The following TTLL7 variants were observed in gnomAD, a reference collection of about 807,000 sequenced individuals.
TTLL7 encodes the protein tubulin tyrosine ligase like 7, also known as tubulin polyglutamylase TTLL7.
A neutral mutation model predicts 120.2 loss-of-function variants in TTLL7; 53 were observed. The observed-to-expected ratio is 0.44, with a 90% CI of 0.35 to 0.55. The LOEUF (loss-of-function observed/expected upper bound fraction) is 0.55, where lower values mean the gene tolerates loss of function less well. Among genes scored for constraint, TTLL7 ranks in the 20% least tolerant of loss-of-function variants. The pLI is 0.00. For missense variants in TTLL7, 803 were observed against 1,054.7 expected (o/e 0.76, Z 3.31); for synonymous variants, 353 against 351.7 (o/e 1.00, Z -0.04).
intron 18 of TTLL7, among the ~76,000 whole-genome samples, chr1:83,903,102 GT>G (rs1656866738): frequency 6.6e-6 from 1 of 151,754 alleles, no homozygotes; most frequent in South Asian, 2.1e-4. Flanking sequence ...ATTTCCCGTG[GT>G]TCCTCATCAA....
At chr1:83,906,717 A>C (rs2100762313) in intron 16 of TTLL7, among the ~76,000 whole-genome samples, 1 of 152,196 alleles carries the variant, frequency 6.6e-6, no homozygotes, top group South Asian at 2.1e-4. Flanking sequence ...AAATACTTAA[A>C]AAGGACTTCC....
intron 20 of TTLL7, among the ~76,000 whole-genome samples, chr1:83,872,131 G>A (rs897735373): frequency 6.6e-6 from 1 of 151,986 alleles, no homozygotes; most frequent in African/African-American, 2.4e-5. Context: ...TAAAATAGCA[G>A]AACTTTCTAT....
At chr1:83,980,748 A>T (rs1220843664) in intron 1 of TTLL7, 1 of 152,222 alleles carries the variant, frequency 6.6e-6, no homozygotes, top group African/African-American at 2.4e-5. Flanking sequence ...TATTGCTAAC[A>T]TACAATTCTT....
rs765505556 is a variant in TTLL7, at chr1:83,952,219, T to C, written c.-8A>G. The C allele has an allele frequency of 3.1e-5, 50 of 1,613,898 alleles. No individual in the cohort carries two copies. Among genetic ancestry groups the C allele is most frequent in the Non-Finnish European group, 4.2e-6 (5 of 1,179,922 alleles). On this transcript the variant is annotated 5_prime_UTR_variant, in exon 2 of 21. Transcript: ENST00000260505. ...TTGAGGCAGAGATGGCATTATTGCC[T>C]GTGCTGATTAGCAAGCAGTGTGTGC...
Position 83,915,503 on chromosome 1 carries a change from A to G in TTLL7, c.1587+2101T>C, listed in dbSNP as rs1193374107. The stretch of plus-strand genomic sequence containing the variant: ...TACTAAAATTAATTCAAGATGGATT[A>G]AAGATTTAAATGTTAGACCTAAAAC... On this transcript the variant is annotated intron_variant, in intron 14 of 20. Transcript: ENST00000260505. 5.3e-5 allele frequency among the ~76,000 whole-genome samples: 8 copies of G among 152,352 alleles called. 1 individual carries two copies. In the South Asian group the frequency reaches 1.2e-3, roughly 24 times the overall value.
At chr1:83,982,029 T>C (rs146256443) in intron 1 of TTLL7, among the ~76,000 whole-genome samples, 1 of 152,278 alleles carries the variant, frequency 6.6e-6, no homozygotes, top group African/African-American at 2.4e-5. Flanking sequence ...AGATGCACCA[T>C]ATCACAGCTC....
At chr1:83,903,102 G>T (rs926200690) in intron 18 of TTLL7, among the ~76,000 whole-genome samples, 2 of 151,754 alleles carry the variant, frequency 1.3e-5, no homozygotes, top group African/African-American at 2.4e-5. Context: ...ATTTCCCGTG[G>T]TTCCTCATCA....
chr1:83,934,319 G>C (rs1342020386), intron 8 of TTLL7, among the ~76,000 whole-genome samples: 1 of 152,140 alleles, frequency 6.6e-6, no homozygotes, highest in Non-Finnish European at 1.5e-5. Context: ...AAACAAGTAA[G>C]GTAGGAGCAT....
At chr1:83,978,914 A>T (rs1354612814) in intron 1 of TTLL7, among the ~76,000 whole-genome samples, 1 of 152,186 alleles carries the variant, frequency 6.6e-6, no homozygotes, top group African/African-American at 2.4e-5. Context: ...TTTATTCATT[A>T]ATTCAACACA....
chr1:83,948,740 T>A, intron 4 of TTLL7, 45 bp from the exon 5 acceptor site: 2 of 1,311,458 alleles, frequency 1.5e-6, no homozygotes, highest in Non-Finnish European at 2.2e-6. Flanking sequence ...GCGAATTAAT[T>A]ATATTCATGT....
intron 1 of TTLL7, among the ~76,000 whole-genome samples, chr1:83,977,334 A>G (rs903883282): frequency 2.0e-5 from 3 of 152,170 alleles, no homozygotes; most frequent in Admixed American, 2.0e-4. Context: ...ACTGCTCCAT[A>G]AAATCTATTT....
Position 83,882,974 on chromosome 1 carries a change from CCA to C in TTLL7, c.2530_2531del (p.Trp844GlyfsTer2). On this transcript the variant is annotated frameshift_variant, in exon 20 of 21. Transcript: ENST00000260505. LOFTEE classifies it high-confidence loss of function. ...RGSLSGIGPD[W>X]GNSRYLLPGS... ...ATGTGAACAAGTACCTGGAATTACCCCAGTCAGGACCAATGCCTGAAAGTGAT... is the reference window on the plus strand; with the variant it reads ...ATGTGAACAAGTACCTGGAATTACCCGTCAGGACCAATGCCTGAAAGTGAT... 6.2e-7 allele frequency: 1 copy of C among 1,610,874 alleles called. No homozygotes were observed. Among genetic ancestry groups the C allele is most frequent in the African/African-American group, 1.3e-5 (1 of 74,804 alleles).
intron 3 of TTLL7, 32 bp downstream of exon 3, chr1:83,951,813 A>G (rs1158912755): frequency 2.5e-6 from 4 of 1,574,686 alleles, no homozygotes; most frequent in Non-Finnish European, 3.4e-6. Context: ...AGCAATTATG[A>G]GAATCCCATG....
At chr1:83,916,531 C>T in intron 14 of TTLL7, among the ~76,000 whole-genome samples, 1 of 151,598 alleles carries the variant, frequency 6.6e-6, no homozygotes, top group East Asian at 2.0e-4. Context: ...AGGAGAAATA[C>T]CTAATAGTAA....
At chr1:83,897,865 T>TAAA (rs58157608) in intron 18 of TTLL7, among the ~76,000 whole-genome samples, 24,705 of 127,076 alleles carry the variant, frequency 0.19, 2,601 homozygotes, top group Non-Finnish European at 0.22. Flanking sequence ...TGTTTTCCAT[T>TAAA]AAAAAAAAAA....
At chr1:83,955,996 AAAAC>A (rs1557731693) in intron 1 of TTLL7, among the ~76,000 whole-genome samples, 1 of 152,192 alleles carries the variant, frequency 6.6e-6, no homozygotes, top group Non-Finnish European at 1.5e-5. Flanking sequence ...CGTGTCTTAA[AAAAC>A]AAACAACCAA....
chr1:83,865,583 A>G lies in TTLL7; in HGVS notation c.*4379T>C, dbSNP rs1240272237. On this transcript the variant is annotated 3_prime_UTR_variant, in exon 21 of 21. Coordinates refer to ENST00000260505, the MANE Select transcript of TTLL7 (RefSeq NM_024686.6). ...GCAGCAATCTCAAAGTGTGCAGTAA[A>G]TTTTAATATACCAATTTTGGTTGCA... The G allele has an allele frequency of 6.6e-6, 1 of 151,990 alleles. No homozygotes were observed. The highest frequency in any genetic ancestry group is 1.5e-5 in the Non-Finnish European group (1 of 67,890). 9.4% of individuals were successfully genotyped at this position (151,990 alleles called of 1,614,324 possible).
At chr1:83,885,669 T>C (rs1654910511) in intron 19 of TTLL7, among the ~76,000 whole-genome samples, 1 of 152,046 alleles carries the variant, frequency 6.6e-6, no homozygotes, top group African/African-American at 2.4e-5. Context: ...GCAACCTGCT[T>C]CATCTGGCCC....
chr1:83,990,192 G>A (rs554230017), intron 1 of TTLL7, among the ~76,000 whole-genome samples: 4 of 126,544 alleles, frequency 3.2e-5, no homozygotes, highest in South Asian at 4.9e-4. Flanking sequence ...TTTTTGAGAC[G>A]GAGTCTCGCT....
Sources: gnomAD v4.1 joint callset for allele counts (sites outside exome capture counted in the v4.1 genomes callset) on GRCh38, gnomAD v4.1.1 for gene constraint, MANE v1.5 for transcripts, NCBI Gene and HGNC (gene_info 2026-07-23, HGNC 2026-07-21) for gene names.